PTTG1IP2: variants seen among roughly 807,000 people sequenced by gnomAD.
PTTG1IP2 encodes PTTG1IP family member 2.
intron 6 of PTTG1IP2, among the ~76,000 whole-genome samples, chr7:90,505,941 G>A (rs1396248323): frequency 7.9e-6 from 1 of 126,948 alleles, no homozygotes; most frequent in South Asian, 2.5e-4. Context: ...CCGAGATTCC[G>A]CCACTGCAGT....
intron 6 of PTTG1IP2, among the ~76,000 whole-genome samples, chr7:90,510,874 A>C (rs1021049657): frequency 1.3e-5 from 2 of 152,202 alleles, no homozygotes; most frequent in African/African-American, 4.8e-5. Flanking sequence ...TACTGTTTTT[A>C]GTCTTGAAAA....
intron 6 of PTTG1IP2, among the ~76,000 whole-genome samples, chr7:90,508,263 CAAAA>C (rs5885728): frequency 1.3e-5 from 1 of 76,916 alleles, no homozygotes; most frequent in Non-Finnish European, 2.6e-5. Context: ...GAACTCGTCT[CAAAA>C]AAAAAAAAAA....
intron 6 of PTTG1IP2, among the ~76,000 whole-genome samples, chr7:90,509,713 G>T (rs28371103): frequency 1.3e-5 from 2 of 152,222 alleles, no homozygotes; most frequent in Non-Finnish European, 2.9e-5. Context: ...TTAATATAAA[G>T]TGTGGATAGA....
chr7:90,497,528 C>A (rs1427576460), intron 6 of PTTG1IP2, among the ~76,000 whole-genome samples: 2 of 140,420 alleles, frequency 1.4e-5, no homozygotes, highest in African/African-American at 2.7e-5. Context: ...CGCGCCACTG[C>A]ACTCCAGCCT....
intron 2 of PTTG1IP2, among the ~76,000 whole-genome samples, chr7:90,481,522 C>T (rs1048922176): frequency 5.9e-5 from 9 of 152,136 alleles, no homozygotes; most frequent in African/African-American, 2.2e-4. Flanking sequence ...TTCCCCATCC[C>T]ATCAATATCA....
chr7:90,486,477 T>C lies in PTTG1IP2; in HGVS notation c.193-850T>C, dbSNP rs1255147634. ...TACTGCTTTGTCTTCCTTTTTTTTT[T>C]TTTTTTTTGCTTTTCCAAGTTCTTC... On this transcript the variant is annotated intron_variant, in intron 2 of 6. Transcript: ENST00000509356. 2.0e-5 allele frequency among the ~76,000 whole-genome samples: 3 copies of C among 151,732 alleles called. No individual in the cohort carries two copies. The South Asian group carries it at 6.3e-4, about 32-fold the overall frequency.
intron 5 of PTTG1IP2, among the ~76,000 whole-genome samples, chr7:90,493,200 A>T (rs150002769): frequency 6.6e-6 from 1 of 152,300 alleles, no homozygotes; most frequent in East Asian, 1.9e-4. Flanking sequence ...GGGCATAATG[A>T]TAGGGAATGT....
intron 1 of PTTG1IP2, among the ~76,000 whole-genome samples, chr7:90,472,650 T>C (rs1421212499): frequency 2.0e-5 from 3 of 152,222 alleles, no homozygotes; most frequent in Non-Finnish European, 2.9e-5. Context: ...CTCTGTCCTC[T>C]AGCCTAGGGG....
At chr7:90,491,807 T>C (rs1296077717) in intron 4 of PTTG1IP2, among the ~76,000 whole-genome samples, 1 of 152,140 alleles carries the variant, frequency 6.6e-6, no homozygotes, top group African/African-American at 2.4e-5. Flanking sequence ...GGTGGAGGGA[T>C]AAAAGAAGAA....
intron 6 of PTTG1IP2, among the ~76,000 whole-genome samples, chr7:90,507,117 C>T (rs143228913): frequency 5.9e-5 from 9 of 151,994 alleles, no homozygotes; most frequent in Admixed American, 1.3e-4. Flanking sequence ...TTGTTTTTTG[C>T]GAAGTTAGTT....
chr7:90,478,828 A>T (rs986515950), intron 1 of PTTG1IP2, among the ~76,000 whole-genome samples: 47 of 145,656 alleles, frequency 3.2e-4, no homozygotes, highest in East Asian at 2.0e-4. Context: ...TAGGGAATTA[A>T]TTTTTTTTTT....
intron 6 of PTTG1IP2, among the ~76,000 whole-genome samples, chr7:90,506,763 T>A (rs1798128713): frequency 6.6e-6 from 1 of 152,122 alleles, no homozygotes. Flanking sequence ...TAAGACCCTG[T>A]CTCAAAAAAA....
chr7:90,480,484 G>T (rs1327579378), intron 2 of PTTG1IP2, among the ~76,000 whole-genome samples: 2 of 151,624 alleles, frequency 1.3e-5, no homozygotes, highest in African/African-American at 2.4e-5. Context: ...GAGCCATCTT[G>T]GTCAATTTTT....
At position 90,494,429 on chromosome 7, in the gene PTTG1IP2, T is replaced by C. The variant is rs2116093593; in HGVS notation, c.*49T>C. The C allele has an allele frequency of 6.6e-6, 1 of 152,328 alleles. No homozygotes were observed. The highest frequency in any genetic ancestry group is 3.4e-3 in the Middle Eastern group (1 of 294). The allele number at this position is 152,328 out of a possible 1,614,324, so 9.4% of individuals were successfully genotyped here. A position where few individuals can be genotyped will look rare whatever the true frequency, so the allele number is the denominator to read the frequency against. ...AAAGAGCAGAAGGAAGTTTCTTCAA[T>C]GGTAAGGTTTCAAATTATATTGCGT... On this transcript the variant is annotated splice_region_variant and 3_prime_UTR_variant, in exon 6 of 7. Transcript: ENST00000509356.
intron 1 of PTTG1IP2, among the ~76,000 whole-genome samples, chr7:90,472,398 C>T (rs1293756338): frequency 6.6e-6 from 1 of 151,554 alleles, no homozygotes; most frequent in East Asian, 1.9e-4. Flanking sequence ...AGCTAGAGAA[C>T]AATCAAACGA....
intron 4 of PTTG1IP2, among the ~76,000 whole-genome samples, chr7:90,490,860 GTC>G (rs1322023435): frequency 6.6e-6 from 1 of 152,058 alleles, no homozygotes; most frequent in Non-Finnish European, 1.5e-5. Context: ...AAACCCTGAA[GTC>G]TCTCTGAAAA....
intron 1 of PTTG1IP2, among the ~76,000 whole-genome samples, chr7:90,478,702 A>G (rs1382158946): frequency 1.3e-5 from 2 of 152,192 alleles, no homozygotes; most frequent in Non-Finnish European, 2.9e-5. Flanking sequence ...TTCCAAATTC[A>G]TAGTTTTTAT....
At chr7:90,510,487 T>C (rs895397307) in intron 6 of PTTG1IP2, among the ~76,000 whole-genome samples, 4 of 152,192 alleles carry the variant, frequency 2.6e-5, no homozygotes, top group African/African-American at 9.6e-5. Context: ...CCTTTCCTAA[T>C]ACGAGCTTTA....
At chr7:90,483,721 A>G (rs1307565481) in intron 2 of PTTG1IP2, among the ~76,000 whole-genome samples, 2 of 152,218 alleles carry the variant, frequency 1.3e-5, no homozygotes, top group Non-Finnish European at 2.9e-5. Context: ...TCCTTTTGGA[A>G]ACTTGCTCCT....
Sources: gnomAD v4.1 joint callset for allele counts (sites outside exome capture counted in the v4.1 genomes callset) on GRCh38, gnomAD v4.1.1 for gene constraint, MANE v1.5 for transcripts, NCBI Gene and HGNC (gene_info 2026-07-23, HGNC 2026-07-21) for gene names.